CRLS1: variants seen among roughly 807,000 people sequenced by gnomAD.
CRLS1 encodes the protein cardiolipin synthase (CMP-forming).
Under a neutral mutation model 37.0 loss-of-function variants are expected in CRLS1, and 24 were observed. The observed-to-expected ratio is 0.65, with a 90% CI of 0.47 to 0.91. CRLS1 has a LOEUF of 0.91. Ranked by LOEUF, CRLS1 falls within the 40% of genes least tolerant of loss-of-function variation. The probability of loss-of-function intolerance (pLI) is 0.00; values close to 1 mark genes in which losing one functional copy is unlikely to be tolerated. For missense variants in CRLS1, 373 were observed against 395.8 expected, an observed-to-expected ratio of 0.94 and a Z score of 0.49; for synonymous variants, 135 against 159.7, an observed-to-expected ratio of 0.85 and a Z score of 1.17.
At chr20:6,014,770 T>G (rs1489911334) in intron 2 of CRLS1, among the ~76,000 whole-genome samples, 4 of 152,210 alleles carry the variant, frequency 2.6e-5, no homozygotes, top group Admixed American at 2.0e-4. Context: ...ATGTGACTTA[T>G]GCTTTAAATG....
In CRLS1 at chr20:6,038,997, G is replaced by T. The variant is rs746539233; in HGVS notation, c.*1839G>T. 1.3e-5 allele frequency: 2 copies of T among 152,208 alleles called. No individual in the cohort carries two copies. Among genetic ancestry groups the T allele is most frequent in the Non-Finnish European group, 2.9e-5 (2 of 68,048 alleles). The allele number at this position is 152,208 out of a possible 1,614,324, so 9.4% of individuals were successfully genotyped here. On this transcript the variant is annotated 3_prime_UTR_variant, in exon 7 of 7. Coordinates refer to ENST00000378863, the MANE Select transcript of CRLS1 (RefSeq NM_019095.6). ...AAAACACTGGAATTGTATTAGACAT[G>T]TCTGAGTATGTACTTGTTTATAGAC...
intron 6 of CRLS1, among the ~76,000 whole-genome samples, chr20:6,036,125 T>C (rs1980531551): frequency 6.6e-6 from 1 of 152,066 alleles, no homozygotes; most frequent in Non-Finnish European, 1.5e-5. Context: ...TGTATTATTA[T>C]TTTTTGTAGA....
At chr20:6,011,414 A>T (rs184065157) in intron 2 of CRLS1, among the ~76,000 whole-genome samples, 2 of 152,038 alleles carry the variant, frequency 1.3e-5, no homozygotes, top group Admixed American at 1.3e-4. Flanking sequence ...GTGCAGACAA[A>T]AGAGAGCATT....
Position 6,006,404 on chromosome 20 carries a change from C to G in CRLS1, c.158C>G (p.Pro53Arg). 1 of 1,408,288 alleles carries G rather than the reference C, an allele frequency of 7.1e-7. No homozygotes were observed. The highest frequency in any genetic ancestry group is 9.3e-7 in the Non-Finnish European group (1 of 1,079,814). 87.2% of individuals were successfully genotyped at this position (1,408,288 alleles called of 1,614,324 possible). ...GCLAERWRLR[P>R]AALGLRLPGI... ...CTGGCCGAACGCTGGAGGCTGCGTC[C>G]GGCCGCTCTTGGCTTGCGGCTGCCC... Residue 53 changes from proline to arginine, a missense_variant, in exon 1 of 7, where the codon CCG (proline) becomes CGG (arginine). By Grantham distance (103) the Pro-to-Arg change is moderately radical. Transcript: ENST00000378863.
chr20:6,035,768 T>C (rs1980499284), intron 6 of CRLS1, among the ~76,000 whole-genome samples: 1 of 151,438 alleles, frequency 6.6e-6, no homozygotes, highest in Admixed American at 6.6e-5. Context: ...ATTACAGGCA[T>C]GTGCCACCAC....
chr20:6,036,661 C>T (rs1053194775), intron 6 of CRLS1, among the ~76,000 whole-genome samples: 5 of 152,144 alleles, frequency 3.3e-5, no homozygotes, highest in African/African-American at 4.8e-5. Flanking sequence ...GCAAGTTACC[C>T]GGGTCTTCCA....
intron 6 of CRLS1, among the ~76,000 whole-genome samples, chr20:6,035,362 A>G (rs1036535073): frequency 2.6e-5 from 4 of 152,228 alleles, no homozygotes; most frequent in Non-Finnish European, 4.4e-5. Context: ...AACTACATCC[A>G]TAATACAAAC....
intron 1 of CRLS1, among the ~76,000 whole-genome samples, chr20:6,009,451 A>G (rs73600771): frequency 1.5e-4 from 23 of 152,028 alleles, no homozygotes; most frequent in African/African-American, 5.5e-4. Context: ...AAAAAAATTG[A>G]GATGGGATTC....
chr20:6,011,475 T>C (rs1007329102), intron 2 of CRLS1, among the ~76,000 whole-genome samples: 2 of 151,486 alleles, frequency 1.3e-5, no homozygotes, highest in Non-Finnish European at 2.9e-5. Flanking sequence ...GCCTCCCAAA[T>C]TGGCTTTACC....
intron 2 of CRLS1, among the ~76,000 whole-genome samples, chr20:6,013,780 C>T (rs994605732): frequency 2.6e-5 from 4 of 152,134 alleles, no homozygotes; most frequent in African/African-American, 9.7e-5. Context: ...TGTGTGTTTT[C>T]CTTAAGCACT....
chr20:6,024,152 C>T (rs1427201725), intron 3 of CRLS1, among the ~76,000 whole-genome samples: 1 of 152,044 alleles, frequency 6.6e-6, no homozygotes, highest in Non-Finnish European at 1.5e-5. Context: ...GATGGGGTTT[C>T]CCTATGTTGC....
chr20:6,029,788 C>T (rs1222881015), intron 3 of CRLS1, among the ~76,000 whole-genome samples: 5 of 152,190 alleles, frequency 3.3e-5, no homozygotes, highest in Non-Finnish European at 5.9e-5. Flanking sequence ...CTCATATAGC[C>T]ACATCTTGTT....
chr20:6,019,720 G>T, intron 3 of CRLS1, among the ~76,000 whole-genome samples: 1 of 132,854 alleles, frequency 7.5e-6, no homozygotes, highest in Non-Finnish European at 1.6e-5. Context: ...TGAGTGCAGT[G>T]GCATGATCTC....
chr20:6,013,552 G>A (rs1045352914), intron 2 of CRLS1, among the ~76,000 whole-genome samples: 2 of 152,024 alleles, frequency 1.3e-5, no homozygotes, highest in African/African-American at 2.4e-5. Context: ...ATATGAGGAT[G>A]GGCTGACTAC....
chr20:6,033,798 G>GC (rs1260919301), intron 5 of CRLS1, among the ~76,000 whole-genome samples: 1 of 152,114 alleles, frequency 6.6e-6, no homozygotes, highest in Non-Finnish European at 1.5e-5. Flanking sequence ...TACCACCTCA[G>GC]CCCCCCAAGT....
At chr20:6,006,629 G>A (rs778159178) in intron 1 of CRLS1, 77 bp downstream of exon 1, 5 of 1,225,910 alleles carry the variant, frequency 4.1e-6, no homozygotes, top group Non-Finnish European at 4.1e-6. Flanking sequence ...CAAGCTCTGG[G>A]TGGTGCAGCT....
intron 2 of CRLS1, among the ~76,000 whole-genome samples, chr20:6,012,995 G>T (rs528768159): frequency 6.6e-6 from 1 of 152,148 alleles, no homozygotes; most frequent in Non-Finnish European, 1.5e-5. Context: ...GGGTGGGGAC[G>T]ATTGGAGTGG....
intron 3 of CRLS1, among the ~76,000 whole-genome samples, chr20:6,019,231 A>G (rs1164463519): frequency 1.3e-5 from 2 of 152,110 alleles, no homozygotes; most frequent in African/African-American, 4.8e-5. Flanking sequence ...TTTAAAGTAC[A>G]TCTTTTTTTT....
rs1447015689 is a variant in CRLS1 at position 6,039,344 on chromosome 20, C to T, written c.*2186C>T. 6.6e-6 allele frequency: 1 copy of T among 151,532 alleles called. No individual in the cohort carries two copies. The highest frequency in any genetic ancestry group is 1.9e-4 in the East Asian group (1 of 5,148). 9.4% of individuals were successfully genotyped at this position (151,532 alleles called of 1,614,324 possible). ...ACAAGCCCACAACATCATAGCTTTG[C>T]AGTTTTTAACCAGGAGCTGGTGGAG... is the stretch of plus-strand genomic sequence containing the variant. On this transcript the variant is annotated 3_prime_UTR_variant, in exon 7 of 7. Transcript: ENST00000378863.
Sources: gnomAD v4.1 joint callset for allele counts (sites outside exome capture counted in the v4.1 genomes callset) on GRCh38, gnomAD v4.1.1 for gene constraint, MANE v1.5 for transcripts, NCBI Gene and HGNC (gene_info 2026-07-23, HGNC 2026-07-21) for gene names.